The following OLA1 variants were observed in gnomAD, a reference collection of about 807,000 sequenced individuals.
OLA1 encodes obg-like ATPase 1.
In OLA1, 14 loss-of-function variants were observed where a neutral mutation model predicts 48.4. The ratio of observed to expected loss-of-function variants is 0.29; its 90% CI spans 0.19 to 0.45. The LOEUF (loss-of-function observed/expected upper bound fraction) is 0.45. Among genes scored for constraint, OLA1 ranks in the 20% least tolerant of loss-of-function variants. OLA1 has a pLI of 1.00. For missense variants in OLA1, 325 were observed against 467.1 expected (o/e 0.70, Z 2.80); for synonymous variants, 127 against 150.4 (o/e 0.84, Z 1.14).
chr2:174,219,423 CTTTTTT>C (rs372577919), intron 4 of OLA1, among the ~76,000 whole-genome samples: 1 of 94,896 alleles, frequency 1.1e-5, no homozygotes, highest in African/African-American at 4.4e-5. Flanking sequence ...TTTTATTTCC[CTTTTTT>C]TTTTTTTTTT....
At chr2:174,081,043 C>T (rs1684842178) in intron 9 of OLA1, 109 bp downstream of exon 9, 5 of 851,568 alleles carry the variant, frequency 5.9e-6, no homozygotes, top group Non-Finnish European at 9.7e-6. Context: ...AAAACCTCAT[C>T]TGTAATGACT....
chr2:174,237,919 G>A (rs1449926428), intron 2 of OLA1, among the ~76,000 whole-genome samples: 1 of 152,178 alleles, frequency 6.6e-6, no homozygotes, highest in East Asian at 1.9e-4. Context: ...GTAATGCCTT[G>A]CACTATGAAA....
intron 6 of OLA1, 132 bp downstream of exon 6, chr2:174,123,463 C>A: frequency 1.6e-6 from 1 of 625,506 alleles, no homozygotes; most frequent in East Asian, 2.9e-5. Flanking sequence ...ATAACAAGCC[C>A]AGGAATAAGC....
intron 7 of OLA1, among the ~76,000 whole-genome samples, chr2:174,086,667 C>T (rs576626091): frequency 3.2e-4 from 48 of 152,272 alleles, no homozygotes; most frequent in Non-Finnish European, 5.0e-4. Flanking sequence ...ATAACCAAGA[C>T]GGCTACTAAG....
chr2:174,106,812 C>T (rs1287843003), intron 7 of OLA1, among the ~76,000 whole-genome samples: 1 of 152,104 alleles, frequency 6.6e-6, no homozygotes, highest in African/African-American at 2.4e-5. Context: ...TTTCTGTGCT[C>T]ATCTAAAAAG....
At chr2:174,245,397 G>A (rs535449141) in intron 2 of OLA1, among the ~76,000 whole-genome samples, 95 of 152,200 alleles carry the variant, frequency 6.2e-4, no homozygotes, top group Middle Eastern at 3.4e-3. Context: ...ACTTGGTCAC[G>A]CCATGCTCTG....
intron 5 of OLA1, among the ~76,000 whole-genome samples, chr2:174,136,713 C>T (rs949284355): frequency 6.6e-6 from 1 of 151,716 alleles, no homozygotes. Context: ...GGTCTGTAAC[C>T]CAGGCTGTAG....
At chr2:174,129,500 T>TA (rs780518775) in intron 5 of OLA1, among the ~76,000 whole-genome samples, 28 of 143,300 alleles carry the variant, frequency 2.0e-4, no homozygotes, top group East Asian at 4.3e-4. Flanking sequence ...AATAAATAAA[T>TA]AATATTTATG....
At chr2:174,140,779 C>T (rs967255967) in intron 5 of OLA1, among the ~76,000 whole-genome samples, 1 of 152,106 alleles carries the variant, frequency 6.6e-6, no homozygotes, top group Non-Finnish European at 1.5e-5. Flanking sequence ...GTTAACACTC[C>T]TAGGAGTAGC....
intron 4 of OLA1, among the ~76,000 whole-genome samples, chr2:174,207,255 A>T (rs1357980458): frequency 6.6e-6 from 1 of 152,168 alleles, no homozygotes; most frequent in Non-Finnish European, 1.5e-5. Flanking sequence ...TTTTTTCATC[A>T]GTGCCACCTT....
chr2:174,104,597 A>C (rs924202804), intron 7 of OLA1, among the ~76,000 whole-genome samples: 1 of 152,026 alleles, frequency 6.6e-6, no homozygotes. Flanking sequence ...TACCAGCATA[A>C]CTACTTAAAA....
chr2:174,144,944 AAAAAAAAATAT>A lies in OLA1; in HGVS notation c.374-2955_374-2945del, dbSNP rs1242512354. On this transcript the variant is annotated intron_variant, in intron 4 of 10. Coordinates refer to ENST00000284719, the MANE Select transcript of OLA1 (RefSeq NM_013341.5). ...AAGACCCTGTTTAAAAAAAAAAAAA[AAAAAAAAATAT>A]ATATATATATATATATATATATATA... 6.5e-5 allele frequency among the ~76,000 whole-genome samples: 5 copies of A among 76,344 alleles called. No individual in the cohort carries two copies. The South Asian group carries it at 1.7e-3, about 26-fold the overall frequency. The allele number at this position is 76,344 out of a possible 152,430, so 50.1% of individuals were successfully genotyped here.
intron 4 of OLA1, among the ~76,000 whole-genome samples, chr2:174,209,483 C>T (rs1688194920): frequency 6.6e-6 from 1 of 152,070 alleles, no homozygotes; most frequent in Admixed American, 6.6e-5. Flanking sequence ...GCTAGGTTTC[C>T]TGAGCACACA....
chr2:174,153,148 T>C (rs1686785205), intron 4 of OLA1, among the ~76,000 whole-genome samples: 1 of 152,294 alleles, frequency 6.6e-6, no homozygotes, highest in South Asian at 2.1e-4. Context: ...AAATTATAAA[T>C]GATTCCTACA....
Position 174,246,492 on chromosome 2 carries a change from A to G in OLA1, c.101+223T>C, listed in dbSNP as rs1205729671. 3.3e-5 allele frequency among the ~76,000 whole-genome samples: 5 copies of G among 152,202 alleles called. No homozygotes were observed. The East Asian group carries it at 9.6e-4, about 29-fold the overall frequency. ...TCAATTTCCTAAAGTAGCCTACTGC[A>G]TGGCCTCTGGTAGACAGCCTATGTA... On this transcript the variant is annotated intron_variant, in intron 2 of 10. Coordinates refer to ENST00000284719, the MANE Select transcript of OLA1 (RefSeq NM_013341.5).
At chr2:174,125,563 A>T (rs956115418) in intron 5 of OLA1, among the ~76,000 whole-genome samples, 1 of 152,262 alleles carries the variant, frequency 6.6e-6, no homozygotes, top group Non-Finnish European at 1.5e-5. Flanking sequence ...ATTAAATTTT[A>T]ATCATATAAA....
At chr2:174,085,452 C>T (rs1684949116) in intron 7 of OLA1, among the ~76,000 whole-genome samples, 1 of 152,168 alleles carries the variant, frequency 6.6e-6, no homozygotes, top group African/African-American at 2.4e-5. Flanking sequence ...GAATCTAATG[C>T]CTGATGATCT....
chr2:174,241,305 A>C (rs1487946047), intron 2 of OLA1, among the ~76,000 whole-genome samples: 1 of 152,244 alleles, frequency 6.6e-6, no homozygotes, highest in Non-Finnish European at 1.5e-5. Context: ...CCCGACGAAC[A>C]AAAATTGTTA....
chr2:174,220,280 T>C (rs534191574), intron 4 of OLA1, among the ~76,000 whole-genome samples: 16 of 152,312 alleles, frequency 1.1e-4, no homozygotes, highest in African/African-American at 3.4e-4. Flanking sequence ...TGGCAGTTCT[T>C]AAGGCAGCAG....
Sources: allele counts gnomAD v4.1 joint callset (sites outside exome capture counted in the v4.1 genomes callset), GRCh38; gene constraint gnomAD v4.1.1; transcripts MANE v1.5; gene names NCBI Gene and HGNC (gene_info 2026-07-23, HGNC 2026-07-21).